Variants in DAZAP1 observed in about 807,000 individuals in gnomAD.
DAZAP1 encodes DAZ associated protein 1.
DAZAP1 carries 6 observed loss-of-function variants against 60.1 expected under a neutral mutation model. The ratio of observed to expected loss-of-function variants is 0.10; its 90% confidence interval spans 0.05 to 0.20. DAZAP1 has a LOEUF of 0.20. Ranked by LOEUF, DAZAP1 falls within the 10% of genes least tolerant of loss-of-function variation. DAZAP1 has a pLI of 1.00. For synonymous variants in DAZAP1, 235 were observed against 215.9 expected (o/e 1.09, Z -0.78); for missense variants, 366 against 560.4 (o/e 0.65, Z 3.50).
rs2083304383 is a variant in DAZAP1, at chr19:1,426,330, T to G, written c.546+370T>G. On this transcript the variant is annotated intron_variant, in intron 7 of 11. Transcript: ENST00000233078. The surrounding 1 kb of genome is among the most constrained non-coding windows in gnomAD (Gnocchi z 5.4). ...TCCTTCAGATGTCTGCAAATCCCCATTGTCTGACACTGACCTGTAATGTGA... is the reference window on the plus strand; with the variant it reads ...TCCTTCAGATGTCTGCAAATCCCCAGTGTCTGACACTGACCTGTAATGTGA... 3.4e-6 allele frequency: 1 copy of G among 290,752 alleles called. No individual in the cohort carries two copies. Among genetic ancestry groups the G allele is most frequent in the South Asian group, 3.3e-5 (1 of 30,028 alleles). 18.0% of individuals were successfully genotyped at this position (290,752 alleles called of 1,614,324 possible).
chr19:1,421,858 G>A (rs1253615790), intron 5 of DAZAP1, among the ~76,000 whole-genome samples: 5 of 152,166 alleles, frequency 3.3e-5, no homozygotes, highest in Admixed American at 2.0e-4. Flanking sequence ...AGGGTGCCAC[G>A]GGCCTGGGCC....
At chr19:1,413,214 A>G (rs944916106) in intron 1 of DAZAP1, among the ~76,000 whole-genome samples, 10 of 152,310 alleles carry the variant, frequency 6.6e-5, no homozygotes, top group African/African-American at 2.4e-4. Context: ...TAGCAAGCCC[A>G]CGAGAGCCAG....
Position 1,411,582 on chromosome 19 carries a change from A to T in DAZAP1, c.29+3780A>T, listed in dbSNP as rs1335361881. On this transcript the variant is annotated intron_variant, in intron 1 of 11. Transcript: ENST00000233078. ...AATGGTCTGGAGCAGGCCGGTGTCT[A>T]GAAAGGCAGCAGCATGGACCCTGGC... Among the ~76,000 whole-genome samples, 6 of 152,194 alleles carry T rather than the reference A, an allele frequency of 3.9e-5. 1 individual carries two copies. The highest frequency in any genetic ancestry group is 5.9e-5 in the Non-Finnish European group (4 of 68,026).
intron 5 of DAZAP1, 64 bp downstream of exon 5, chr19:1,421,322 T>G: frequency 8.8e-6 from 13 of 1,474,748 alleles, no homozygotes; most frequent in Admixed American, 1.7e-5. Flanking sequence ...GGCCTGGGCC[T>G]TCTTGGGGCT....
At chr19:1,421,852 T>C (rs2083165585) in intron 5 of DAZAP1, among the ~76,000 whole-genome samples, 1 of 152,066 alleles carries the variant, frequency 6.6e-6, no homozygotes, top group African/African-American at 2.4e-5. Context: ...TACCTGAGGG[T>C]GCCACGGGCC....
At chr19:1,421,371 G>C in intron 5 of DAZAP1, 113 bp downstream of exon 5, 1 of 874,248 alleles carries the variant, frequency 1.1e-6, no homozygotes, top group Non-Finnish European at 1.8e-6. Context: ...CTTTCAGGCT[G>C]GGAGCTCGCT....
chr19:1,418,439 C>T lies in DAZAP1; in HGVS notation c.237+69C>T, dbSNP rs1195779057. 11 of 1,575,042 alleles carry T rather than the reference C, an allele frequency of 7.0e-6. No homozygotes were observed. Among genetic ancestry groups the T allele is most frequent in the Non-Finnish European group, 9.6e-6 (11 of 1,150,892 alleles). On this transcript the variant is annotated intron_variant, in intron 3 of 11. Transcript: ENST00000233078. The surrounding 1 kb of genome is among the most constrained non-coding windows in gnomAD (Gnocchi z 5.7). The stretch of plus-strand genomic sequence containing the variant: ...TGTCCTTCCTCTGCTTCATTTTTTC[C>T]TGGACTCTGACCGATGTTTGCGTTA...
At chr19:1,412,492 C>T (rs2082859427) in intron 1 of DAZAP1, among the ~76,000 whole-genome samples, 2 of 152,232 alleles carry the variant, frequency 1.3e-5, no homozygotes, top group African/African-American at 4.8e-5. Flanking sequence ...GAGGCAGGCT[C>T]CTCCTGGCTT....
chr19:1,431,112 A>G (rs1010287363), intron 10 of DAZAP1, among the ~76,000 whole-genome samples: 2 of 150,568 alleles, frequency 1.3e-5, no homozygotes, highest in Non-Finnish European at 3.0e-5. Context: ...CCAGAGTTTT[A>G]TTTTATTTTA....
At position 1,433,864 on chromosome 19, in the gene DAZAP1, G is replaced by C. The variant is rs368851528; in HGVS notation, c.1049-873G>C. Reference sequence around the variant, plus strand: ...CTCCTTCTCCAGGGTCCTCCCACCCGCCTGCACCGGGAGGTGGACGTGGCT... The same window carrying C: ...CTCCTTCTCCAGGGTCCTCCCACCCCCCTGCACCGGGAGGTGGACGTGGCT... On this transcript the variant is annotated intron_variant, in intron 11 of 11. Coordinates refer to ENST00000233078, the MANE Select transcript of DAZAP1 (RefSeq NM_018959.4). This position sits in a 1 kb window ranked among gnomAD's most constrained non-coding sequence, Gnocchi z 6.1. 14 of 1,575,552 alleles carry C rather than the reference G, an allele frequency of 8.9e-6. No individual in the cohort carries two copies. The Admixed American group carries it at 1.0e-4, about 11-fold the overall frequency.
At position 1,433,525 on chromosome 19, in the gene DAZAP1, C is replaced by A; in HGVS notation, c.1048+835C>A. 1.8e-6 allele frequency: 1 copy of A among 570,208 alleles called. No homozygotes were observed. Among genetic ancestry groups the A allele is most frequent in the Non-Finnish European group, 3.1e-6 (1 of 318,304 alleles). The allele number at this position is 570,208 out of a possible 1,614,324, so 35.3% of individuals were successfully genotyped here. A position where few individuals can be genotyped will look rare whatever the true frequency, so the allele number is the denominator to read the frequency against. ...GTGTTCGGCCGAGGTGCCCGCCCAC[C>A]CACCTCGCATGGCTGTGGTTCCCCT... is the stretch of plus-strand genomic sequence containing the variant. On this transcript the variant is annotated intron_variant, in intron 11 of 11. Coordinates refer to ENST00000233078, the MANE Select transcript of DAZAP1 (RefSeq NM_018959.4). The surrounding 1 kb of genome is among the most constrained non-coding windows in gnomAD (Gnocchi z 6.1).
Position 1,432,735 on chromosome 19 carries a change from C to A in DAZAP1, c.1048+45C>A. 9 of 1,535,824 alleles carry A rather than the reference C, an allele frequency of 5.9e-6. No individual in the cohort carries two copies. Among genetic ancestry groups the A allele is most frequent in the South Asian group, 1.3e-5 (1 of 79,686 alleles). ...GCCGCGTCCCCGCTGGCCCCAGGACCCTGGGCACGGCCTGCCTTCTTCTGC... is the reference window on the plus strand; with the variant it reads ...GCCGCGTCCCCGCTGGCCCCAGGACACTGGGCACGGCCTGCCTTCTTCTGC... On this transcript the variant is annotated intron_variant, in intron 11 of 11. Coordinates refer to ENST00000233078, the MANE Select transcript of DAZAP1 (RefSeq NM_018959.4). The surrounding 1 kb of genome is among the most constrained non-coding windows in gnomAD (Gnocchi z 4.9).
chr19:1,421,305 CT>C (rs1569068500), intron 5 of DAZAP1, 47 bp downstream of exon 5: 1 of 1,556,140 alleles, frequency 6.4e-7, no homozygotes, highest in East Asian at 2.2e-5. Flanking sequence ...AGAGCCGCTT[CT>C]GCTCAGGCCT....
Position 1,418,715 on chromosome 19 carries a change from G to T in DAZAP1, c.287G>T (p.Arg96Leu), listed in dbSNP as rs1049487545. Residue 96 changes from arginine (R) to leucine (L), a missense_variant, in exon 4 of 12, where the codon CGG (arginine) becomes CTG (leucine). By Grantham distance (102) the Arg-to-Leu change is moderately radical (BLOSUM62 -2). Transcript: ENST00000233078. The surrounding 1 kb of genome is among the most constrained non-coding windows in gnomAD (Gnocchi z 5.7). ...TPRGMQPERT[R>L]PKEGWQKGPR... ...CGGGGGATGCAGCCGGAGAGAACAC[G>T]GCCGAAGGAAGGATGGGTAAGGGGC... is the stretch of plus-strand genomic sequence containing the variant. The T allele has an allele frequency of 1.2e-6, 2 of 1,612,138 alleles. No homozygotes were observed. Among genetic ancestry groups the T allele is most frequent in the South Asian group, 1.1e-5 (1 of 90,846 alleles).
intron 9 of DAZAP1, 57 bp downstream of exon 9, chr19:1,430,053 C>T (rs371788288): frequency 6.3e-6 from 10 of 1,578,852 alleles, no homozygotes; most frequent in South Asian, 2.3e-5. Context: ...CAGGCTGACT[C>T]GCCAGGTGTC....
rs766093455 is a variant in DAZAP1 at position 1,422,330 on chromosome 19, G to A, written c.415-18G>A. On this transcript the variant is annotated intron_variant, in intron 5 of 11. Coordinates refer to ENST00000233078, the MANE Select transcript of DAZAP1 (RefSeq NM_018959.4). This position sits in a 1 kb window ranked among gnomAD's most constrained non-coding sequence, Gnocchi z 4.5. The stretch of plus-strand genomic sequence containing the variant: ...TGCTGGCCCTGGTGTCCGTGCTGAC[G>A]CCACCCTCTCCTTCCAGGTCACGGA... 22 of 1,613,588 alleles carry A rather than the reference G, an allele frequency of 1.4e-5. No individual in the cohort carries two copies. The South Asian group carries it at 1.9e-4, about 14-fold the overall frequency.
chr19:1,418,301 C>T lies in DAZAP1; in HGVS notation c.168C>T (p.Val56=), dbSNP rs1351013447. The change falls in exon 3 of 12, where the codon GTC becomes GTT. Residue 56 remains valine (V), a synonymous_variant. Transcript: ENST00000233078. This position sits in a 1 kb window ranked among gnomAD's most constrained non-coding sequence, Gnocchi z 5.7. ...TTNQSRGFGF[V]KFKDPNCVGT... is the part of the protein sequence containing the mutation. ...ACCAGTCTCGAGGCTTTGGGTTTGT[C>T]AAATTTAAAGACCCAAACTGTGTGG... 3.7e-6 allele frequency: 6 copies of T among 1,614,020 alleles called. No individual in the cohort carries two copies. The highest frequency in any genetic ancestry group is 5.1e-6 in the Non-Finnish European group (6 of 1,180,040).
chr19:1,415,296 G>C (rs2082943473), intron 1 of DAZAP1, among the ~76,000 whole-genome samples: 1 of 150,910 alleles, frequency 6.6e-6, no homozygotes, highest in African/African-American at 2.4e-5. Flanking sequence ...GTGCAGTGCT[G>C]ACTACAGGCT....
intron 1 of DAZAP1, among the ~76,000 whole-genome samples, chr19:1,408,602 C>A (rs1396642136): frequency 6.6e-6 from 1 of 152,190 alleles, no homozygotes; most frequent in African/African-American, 2.4e-5. Flanking sequence ...TCGGGTCAGC[C>A]GGGGCCTGCT....
Sources: gnomAD v4.1 joint callset for allele counts (sites outside exome capture counted in the v4.1 genomes callset) on GRCh38, gnomAD v4.1.1 for gene constraint, Gnocchi (gnomAD v3.1) non-coding constraint, MANE v1.5 for transcripts, NCBI Gene and HGNC (gene_info 2026-07-23, HGNC 2026-07-21) for gene names.